The following ARHGAP35 variants were observed in gnomAD, a reference collection of about 807,000 sequenced individuals.
ARHGAP35 encodes the protein Rho GTPase activating protein 35.
In ARHGAP35, 15 loss-of-function variants were observed where a neutral mutation model predicts 111.1. The observed-to-expected ratio is 0.13, with a 90% CI of 0.09 to 0.21. The LOEUF (loss-of-function observed/expected upper bound fraction) is 0.21, where lower values mean the gene tolerates loss of function less well. Among genes scored for constraint, ARHGAP35 ranks in the 10% least tolerant of loss-of-function variants. The pLI, the probability that ARHGAP35 is intolerant of heterozygous loss-of-function variation, is 1.00. For missense variants in ARHGAP35, 1,262 were observed against 1,873.0 expected (o/e 0.67, Z 6.02); for synonymous variants, 643 against 710.3 (o/e 0.91, Z 1.51).
rs2055827780 is a variant in ARHGAP35 at position 46,861,572 on chromosome 19, T to G, written c.-189+363T>G. Among the ~76,000 whole-genome samples the G allele has an allele frequency of 4.1e-5, 6 of 146,030 alleles. No homozygotes were observed. The South Asian group carries it at 1.3e-3, about 32-fold the overall frequency. On this transcript the variant is annotated intron_variant, in intron 1 of 6. Coordinates refer to ENST00000672722, the MANE Select transcript of ARHGAP35 (RefSeq NM_004491.5). Reference sequence around the variant, plus strand: ...CCCCCTTCCCCCTTCCACCCCTCCATAATGCCCTTCGCTCCTCCCGGGCTC... The same window carrying G: ...CCCCCTTCCCCCTTCCACCCCTCCAGAATGCCCTTCGCTCCTCCCGGGCTC...
intron 1 of ARHGAP35, among the ~76,000 whole-genome samples, chr19:46,906,643 G>A (rs1317891758): frequency 6.6e-6 from 1 of 152,166 alleles, no homozygotes; most frequent in East Asian, 1.9e-4. Context: ...ATTTTCCTTG[G>A]TTCCATTCGT....
At chr19:46,950,768 G>A (rs1233210797) in intron 3 of ARHGAP35, among the ~76,000 whole-genome samples, 1 of 152,188 alleles carries the variant, frequency 6.6e-6, no homozygotes, top group Non-Finnish European at 1.5e-5. Context: ...CATTGAGTCT[G>A]TGGTTTGCAC....
At chr19:46,866,603 C>T (rs2055858908) in intron 1 of ARHGAP35, among the ~76,000 whole-genome samples, 2 of 152,136 alleles carry the variant, frequency 1.3e-5, no homozygotes, top group South Asian at 2.1e-4. Context: ...AGAGTTGGAG[C>T]TTAGGACTAA....
chr19:46,951,247 T>C (rs892830905), intron 3 of ARHGAP35, among the ~76,000 whole-genome samples: 9 of 152,158 alleles, frequency 5.9e-5, no homozygotes, highest in Non-Finnish European at 8.8e-5. Context: ...CAGGGGAAAA[T>C]GCTTGCCATT....
intron 1 of ARHGAP35, among the ~76,000 whole-genome samples, chr19:46,917,638 A>G (rs2056171630): frequency 6.6e-6 from 1 of 152,158 alleles, no homozygotes; most frequent in African/African-American, 2.4e-5. Context: ...AGGTTGAATA[A>G]TATTATATTG....
chr19:46,905,095 A>G (rs908327915), intron 1 of ARHGAP35, among the ~76,000 whole-genome samples: 23 of 152,228 alleles, frequency 1.5e-4, no homozygotes, highest in African/African-American at 5.1e-4. Flanking sequence ...GAAAAGGTTT[A>G]GGAGACAGAT....
chr19:46,982,487 A>T (rs2056626322), intron 3 of ARHGAP35, among the ~76,000 whole-genome samples: 1 of 152,110 alleles, frequency 6.6e-6, no homozygotes, highest in Non-Finnish European at 1.5e-5. Flanking sequence ...AAAAAAAAAA[A>T]AAAAGATTAA....
chr19:46,976,722 T>C (rs978179844), intron 3 of ARHGAP35, among the ~76,000 whole-genome samples: 6 of 152,222 alleles, frequency 3.9e-5, no homozygotes, highest in Non-Finnish European at 8.8e-5. Context: ...TACAGCAGGC[T>C]GTCCTGTGAG....
At chr19:46,960,224 G>A (rs892412431) in intron 3 of ARHGAP35, among the ~76,000 whole-genome samples, 3 of 152,046 alleles carry the variant, frequency 2.0e-5, no homozygotes, top group African/African-American at 7.3e-5. Flanking sequence ...CTGTCTGCCT[G>A]TAATTTTATT....
At chr19:46,907,014 G>T (rs1599810258) in intron 1 of ARHGAP35, among the ~76,000 whole-genome samples, 1 of 152,114 alleles carries the variant, frequency 6.6e-6, no homozygotes, top group Non-Finnish European at 1.5e-5. Context: ...ACTTGATCCT[G>T]GGGAGGTTGA....
chr19:46,920,463 T>C lies in ARHGAP35; in HGVS notation c.1788T>C (p.Asp596=), dbSNP rs1333554674. ...ATTCACTCTCTGACCCTAACATTGA[T>C]AGAATCAACTTGGTTATATTGGGCA... ...QKNSLSDPNI[D]RINLVILGKD... is the part of the protein sequence containing the mutation. Residue 596 remains aspartate (D), a synonymous_variant, in exon 2 of 7, where the codon GAT becomes GAC. Transcript: ENST00000672722. The surrounding 1 kb of genome is among the most constrained non-coding windows in gnomAD (Gnocchi z 7.0). 2 of 1,613,946 alleles carry C rather than the reference T, an allele frequency of 1.2e-6. No individual in the cohort carries two copies. The highest frequency in any genetic ancestry group is 1.7e-5 in the Admixed American group (1 of 60,012).
At chr19:46,949,659 C>T (rs2056400892) in intron 3 of ARHGAP35, among the ~76,000 whole-genome samples, 1 of 152,194 alleles carries the variant, frequency 6.6e-6, no homozygotes, top group African/African-American at 2.4e-5. Flanking sequence ...CCACCTTTGC[C>T]AGGCAGGAGT....
intron 3 of ARHGAP35, among the ~76,000 whole-genome samples, chr19:46,961,196 A>G (rs2056480517): frequency 6.6e-6 from 1 of 152,074 alleles, no homozygotes; most frequent in Non-Finnish European, 1.5e-5. Flanking sequence ...CGCCCAGCCA[A>G]CTGTATAATA....
At chr19:46,882,165 G>A (rs965621034) in intron 1 of ARHGAP35, among the ~76,000 whole-genome samples, 2 of 149,040 alleles carry the variant, frequency 1.3e-5, no homozygotes, top group African/African-American at 2.5e-5. Context: ...ACAAGGTTTC[G>A]CTCTGTCACC....
In ARHGAP35 at chr19:46,999,315, C is replaced by T. The variant is rs367715073; in HGVS notation, c.4048C>T (p.Arg1350Trp). The T allele has an allele frequency of 7.1e-5, 112 of 1,586,358 alleles. No individual in the cohort carries two copies. The highest frequency in any genetic ancestry group is 8.8e-5 in the Non-Finnish European group (103 of 1,166,366). ...DLVEAHKIND[R>W]EQKLHALKEV... is the part of the protein sequence containing the mutation. ...TTCTCTCTCCTCAGAAATCAACGAC[C>T]GGGAGCAGAAGTTGCATGCCCTTAA... The change falls in exon 6 of 7, where the codon CGG becomes TGG. Residue 1350 changes from arginine (R) to tryptophan (W), a missense_variant. Physicochemically the swap from Arg to Trp is moderately radical, Grantham distance 101. This residue lies in a region of ARHGAP35 where 50 missense variants were observed against 60.5 expected (regional missense o/e 0.83). Coordinates refer to ENST00000672722, the MANE Select transcript of ARHGAP35 (RefSeq NM_004491.5). The surrounding 1 kb of genome is among the most constrained non-coding windows in gnomAD (Gnocchi z 5.4).
In ARHGAP35 at chr19:47,000,798, TC is replaced by T. The variant is rs2056743811; in HGVS notation, c.*114del. On this transcript the variant is annotated 3_prime_UTR_variant, in exon 7 of 7. Coordinates refer to ENST00000672722, the MANE Select transcript of ARHGAP35 (RefSeq NM_004491.5). This position sits in a 1 kb window ranked among gnomAD's most constrained non-coding sequence, Gnocchi z 6.9. ...GGACAGAGGCAGGGGCAAGTGGCTC[TC>T]CCCATTACCTTCTCAAGACCTCAGT... is the stretch of plus-strand genomic sequence containing the variant. 6.5e-7 allele frequency: 1 copy of T among 1,542,268 alleles called. No individual in the cohort carries two copies. The highest frequency in any genetic ancestry group is 8.7e-7 in the Non-Finnish European group (1 of 1,144,242).
rs536427297 is a variant in ARHGAP35 at position 46,963,796 on chromosome 19, G to A, written c.3827-24193G>A. Reference sequence around the variant, plus strand: ...TGCTTTAATAATGGTTTATTGCTGTGATACTGCTTCACAAATGCCAGCAGA... The same window carrying A: ...TGCTTTAATAATGGTTTATTGCTGTAATACTGCTTCACAAATGCCAGCAGA... On this transcript the variant is annotated intron_variant, in intron 3 of 6. Coordinates refer to ENST00000672722, the MANE Select transcript of ARHGAP35 (RefSeq NM_004491.5). Among the ~76,000 whole-genome samples, 6 of 152,180 alleles carry A rather than the reference G, an allele frequency of 3.9e-5. No individual in the cohort carries two copies. In the South Asian group the frequency reaches 1.2e-3, roughly 32 times the overall value.
chr19:46,865,456 A>AT (rs2055850310), intron 1 of ARHGAP35, among the ~76,000 whole-genome samples: 1 of 152,170 alleles, frequency 6.6e-6, no homozygotes, highest in African/African-American at 2.4e-5. Context: ...AAATCAGAAA[A>AT]TACTCATTCT....
intron 2 of ARHGAP35, among the ~76,000 whole-genome samples, chr19:46,925,068 C>T (rs577474478): frequency 2.8e-4 from 42 of 152,248 alleles, no homozygotes; most frequent in African/African-American, 9.4e-4. Context: ...AAGAAGTGGT[C>T]GGCTTCCGGT....
Sources: gnomAD v4.1 joint callset for allele counts (sites outside exome capture counted in the v4.1 genomes callset) on GRCh38, gnomAD v4.1.1 for gene constraint, gnomAD v4.1.1 regional missense constraint, Gnocchi (gnomAD v3.1) non-coding constraint, MANE v1.5 for transcripts, NCBI Gene and HGNC (gene_info 2026-07-23, HGNC 2026-07-21) for gene names.